The following GABRB1 variants were observed in gnomAD, a reference collection of about 807,000 sequenced individuals.
The protein encoded by GABRB1 is gamma-aminobutyric acid receptor subunit beta-1.
Under a neutral mutation model 51.6 loss-of-function variants are expected in GABRB1, and 17 were observed. The ratio of observed to expected loss-of-function variants is 0.33; its 90% CI spans 0.23 to 0.49. The LOEUF (loss-of-function observed/expected upper bound fraction) is 0.49. GABRB1 is among the 20% of genes least tolerant of loss of function. The probability of loss-of-function intolerance (pLI) is 0.99; values close to 1 mark genes in which losing one functional copy is unlikely to be tolerated. For missense variants in GABRB1, 410 were observed against 600.6 expected, an observed-to-expected ratio of 0.68 and a Z score of 3.32; for synonymous variants, 247 against 218.9, an observed-to-expected ratio of 1.13 and a Z score of -1.14.
At chr4:47,251,765 A>G (rs1265339808) in intron 4 of GABRB1, among the ~76,000 whole-genome samples, 1 of 151,980 alleles carries the variant, frequency 6.6e-6, no homozygotes, top group Non-Finnish European at 1.5e-5. Flanking sequence ...GTTGTCGGGG[A>G]AGTGGGGGAA....
chr4:47,260,998 A>G (rs1722410280), intron 4 of GABRB1, among the ~76,000 whole-genome samples: 1 of 152,224 alleles, frequency 6.6e-6, no homozygotes, highest in South Asian at 2.1e-4. Flanking sequence ...AAAATTCAAC[A>G]ACACTTCATG....
At chr4:47,045,800 T>A (rs1361408043) in intron 3 of GABRB1, among the ~76,000 whole-genome samples, 7 of 152,106 alleles carry the variant, frequency 4.6e-5, no homozygotes, top group Non-Finnish European at 8.8e-5. Flanking sequence ...TTTTGGCATG[T>A]GACTTTTGTG....
chr4:47,416,775 G>A (rs1383784226), intron 8 of GABRB1, among the ~76,000 whole-genome samples: 2 of 151,336 alleles, frequency 1.3e-5, no homozygotes, highest in African/African-American at 4.9e-5. Flanking sequence ...TTTTTTCTTT[G>A]AGATGGAGTC....
chr4:47,362,048 A>G (rs775054308), intron 5 of GABRB1, among the ~76,000 whole-genome samples: 24 of 152,186 alleles, frequency 1.6e-4, no homozygotes, highest in Admixed American at 2.6e-4. Flanking sequence ...CAACCTTGAG[A>G]GAAGAGCATA....
chr4:47,090,251 G>A (rs1361267776), intron 3 of GABRB1, among the ~76,000 whole-genome samples: 1 of 152,186 alleles, frequency 6.6e-6, no homozygotes, highest in Non-Finnish European at 1.5e-5. Flanking sequence ...AATAGAAAAT[G>A]TCTAATGCAA....
At chr4:47,299,421 T>A (rs1237668255) in intron 4 of GABRB1, among the ~76,000 whole-genome samples, 4 of 152,052 alleles carry the variant, frequency 2.6e-5, no homozygotes, top group Non-Finnish European at 5.9e-5. Context: ...CATCAAAAAG[T>A]GGGCGAAGGA....
chr4:47,242,768 T>C (rs1721576090), intron 4 of GABRB1, among the ~76,000 whole-genome samples: 1 of 152,192 alleles, frequency 6.6e-6, no homozygotes, highest in South Asian at 2.1e-4. Flanking sequence ...TTAAGTTCTT[T>C]GTAGATTCTG....
chr4:47,157,749 C>T (rs1234305956), intron 3 of GABRB1, among the ~76,000 whole-genome samples: 1 of 151,982 alleles, frequency 6.6e-6, no homozygotes, highest in Non-Finnish European at 1.5e-5. Flanking sequence ...TTATTATCAT[C>T]ACAATTATTA....
intron 3 of GABRB1, among the ~76,000 whole-genome samples, chr4:47,155,657 C>G (rs1157203479): frequency 2.0e-5 from 3 of 151,780 alleles, no homozygotes; most frequent in Non-Finnish European, 2.9e-5. Context: ...ACACATACCT[C>G]AACATATTTG....
At chr4:47,240,314 C>T (rs562009900) in intron 4 of GABRB1, among the ~76,000 whole-genome samples, 4 of 152,166 alleles carry the variant, frequency 2.6e-5, no homozygotes, top group Admixed American at 1.3e-4. Context: ...CACAAAATGC[C>T]GATCAAAGTC....
At chr4:47,074,507 A>G (rs1018863344) in intron 3 of GABRB1, among the ~76,000 whole-genome samples, 6 of 152,220 alleles carry the variant, frequency 3.9e-5, no homozygotes, top group Non-Finnish European at 8.8e-5. Flanking sequence ...TAAAATACCA[A>G]TATCACATTT....
intron 1 of GABRB1, among the ~76,000 whole-genome samples, chr4:47,004,061 C>T (rs1477184909): frequency 1.3e-5 from 2 of 152,170 alleles, no homozygotes; most frequent in Non-Finnish European, 1.5e-5. Flanking sequence ...GCCATCTCGG[C>T]TCATGCAACC....
At chr4:47,221,253 A>G (rs1400986573) in intron 4 of GABRB1, among the ~76,000 whole-genome samples, 6 of 152,044 alleles carry the variant, frequency 3.9e-5, no homozygotes. Flanking sequence ...CTTTAGGAAC[A>G]TCTCTCCTCT....
rs528517558 is a variant in GABRB1, at chr4:47,217,420, T to A, written c.461+55951T>A. On this transcript the variant is annotated intron_variant, in intron 4 of 8. Coordinates refer to ENST00000295454, the MANE Select transcript of GABRB1 (RefSeq NM_000812.4). Reference sequence around the variant, plus strand: ...CTGTACTCTATTTATACCTGAGCTTTTAAGTGATGACATCACCTGAGAGAT... The same window carrying A: ...CTGTACTCTATTTATACCTGAGCTTATAAGTGATGACATCACCTGAGAGAT... Among the ~76,000 whole-genome samples, 67 of 151,974 alleles carry A rather than the reference T, an allele frequency of 4.4e-4. 1 individual carries two copies. Among genetic ancestry groups the A allele is most frequent in the African/African-American group, 1.6e-3 (66 of 41,550 alleles).
chr4:47,242,887 T>G (rs1721585083), intron 4 of GABRB1, among the ~76,000 whole-genome samples: 1 of 152,226 alleles, frequency 6.6e-6, no homozygotes. Flanking sequence ...GCTCTTTAGT[T>G]TAATTAGATC....
chr4:47,261,003 T>C (rs1379550092), intron 4 of GABRB1, among the ~76,000 whole-genome samples: 1 of 152,118 alleles, frequency 6.6e-6, no homozygotes, highest in East Asian at 1.9e-4. Flanking sequence ...TCAACAACAC[T>C]TCATGCTAAA....
chr4:47,402,835 T>G (rs1728440853), intron 5 of GABRB1, among the ~76,000 whole-genome samples: 2 of 151,906 alleles, frequency 1.3e-5, no homozygotes, highest in South Asian at 4.1e-4. Flanking sequence ...TATGTAGTTT[T>G]TAATGTCTTA....
At chr4:47,291,820 G>C (rs1384440273) in intron 4 of GABRB1, among the ~76,000 whole-genome samples, 1 of 152,166 alleles carries the variant, frequency 6.6e-6, no homozygotes, top group African/African-American at 2.4e-5. Context: ...TCCAATGCCT[G>C]TACCCCCCAC....
chr4:47,265,393 G>C (rs1016832749), intron 4 of GABRB1, among the ~76,000 whole-genome samples: 3 of 152,028 alleles, frequency 2.0e-5, no homozygotes, highest in African/African-American at 7.2e-5. Context: ...ATTTGCCATT[G>C]TGAATAGTGC....
Sources: allele counts gnomAD v4.1 joint callset (sites outside exome capture counted in the v4.1 genomes callset), GRCh38; gene constraint gnomAD v4.1.1; transcripts MANE v1.5; gene names NCBI Gene and HGNC (gene_info 2026-07-23, HGNC 2026-07-21).